The following CDH12 variants were observed in gnomAD, a reference collection of about 807,000 sequenced individuals.
The protein encoded by CDH12 is cadherin 12, also known as cadherin-12.
A neutral mutation model predicts 74.1 loss-of-function variants in CDH12; 41 were observed. That is an observed-to-expected ratio of 0.55 (90% confidence interval 0.43 to 0.72). CDH12 has a LOEUF of 0.72. Ranked by LOEUF, CDH12 falls within the 30% of genes least tolerant of loss-of-function variation. The probability of loss-of-function intolerance (pLI) is 0.00; values close to 1 mark genes in which losing one functional copy is unlikely to be tolerated. For synonymous variants in CDH12, 399 were observed against 355.0 expected, an observed-to-expected ratio of 1.12 and a Z score of -1.39; for missense variants, 945 against 977.2, an observed-to-expected ratio of 0.97 and a Z score of 0.44.
chr5:22,525,618 G>C (rs1332670788), intron 1 of CDH12, among the ~76,000 whole-genome samples: 2 of 152,068 alleles, frequency 1.3e-5, no homozygotes, highest in African/African-American at 4.8e-5. Context: ...TCAATAACTG[G>C]AATGTAACTC....
chr5:22,762,332 A>G (rs953377495), intron 1 of CDH12, among the ~76,000 whole-genome samples: 4 of 152,124 alleles, frequency 2.6e-5, no homozygotes, highest in African/African-American at 9.6e-5. Context: ...GTGTTACAAA[A>G]TAAAAAATCT....
intron 4 of CDH12, among the ~76,000 whole-genome samples, chr5:22,184,020 TAA>T (rs35625153): frequency 2.6e-3 from 374 of 145,730 alleles, no homozygotes; most frequent in African/African-American, 6.9e-3. Flanking sequence ...ACCCTAGTGA[TAA>T]AAAAAAAAAA....
chr5:22,585,072 A>G (rs1740314068), intron 1 of CDH12, among the ~76,000 whole-genome samples: 1 of 152,228 alleles, frequency 6.6e-6, no homozygotes, highest in Non-Finnish European at 1.5e-5. Flanking sequence ...GTATAATTTT[A>G]CTTGCCTAAA....
chr5:22,451,417 A>G (rs909417334), intron 2 of CDH12, among the ~76,000 whole-genome samples: 9 of 151,976 alleles, frequency 5.9e-5, no homozygotes, highest in African/African-American at 2.2e-4. Context: ...ATGGTTCACT[A>G]TATGCAAATC....
chr5:22,599,002 C>T (rs561975237), intron 1 of CDH12, among the ~76,000 whole-genome samples: 2 of 152,202 alleles, frequency 1.3e-5, no homozygotes, highest in South Asian at 2.1e-4. Context: ...TGTTTGCAGC[C>T]GTATTGCATG....
intron 5 of CDH12, among the ~76,000 whole-genome samples, chr5:22,001,723 T>C (rs1292475052): frequency 6.8e-6 from 1 of 148,018 alleles, no homozygotes; most frequent in Non-Finnish European, 1.5e-5. Context: ...TTTTTGCTGC[T>C]TTTTTTTTTA....
intron 1 of CDH12, among the ~76,000 whole-genome samples, chr5:22,651,857 A>T (rs1407255674): frequency 1.3e-5 from 2 of 152,028 alleles, no homozygotes; most frequent in East Asian, 1.9e-4. Flanking sequence ...TCTGTTTTTT[A>T]AAAAAAGATT....
At chr5:22,759,274 T>A (rs1162432715) in intron 1 of CDH12, among the ~76,000 whole-genome samples, 1 of 152,176 alleles carries the variant, frequency 6.6e-6, no homozygotes, top group East Asian at 1.9e-4. Flanking sequence ...CAAAGCCTTG[T>A]TTTATTCTTA....
Position 22,710,771 on chromosome 5 carries a change from G to T in CDH12, c.-523+142287C>A, listed in dbSNP as rs77522678. On this transcript the variant is annotated intron_variant, in intron 1 of 14. Coordinates refer to ENST00000382254, the MANE Select transcript of CDH12 (RefSeq NM_004061.5). ...TTCTAGTTGACAGCCTCAGTGGAGAGGGCATGGTACTTGTGGTCAGAAGAG... is the reference window on the plus strand; with the variant it reads ...TTCTAGTTGACAGCCTCAGTGGAGATGGCATGGTACTTGTGGTCAGAAGAG... Among the ~76,000 whole-genome samples, 504 of 152,184 alleles carry T rather than the reference G, an allele frequency of 3.3e-3. 3 individuals are homozygous for T. Among genetic ancestry groups the T allele is most frequent in the African/African-American group, 0.011 (476 of 41,532 alleles).
chr5:22,582,392 T>C (rs572789586), intron 1 of CDH12, among the ~76,000 whole-genome samples: 7 of 152,352 alleles, frequency 4.6e-5, no homozygotes, highest in Non-Finnish European at 1.0e-4. Context: ...TGTATGTTAA[T>C]GGTCATTTGG....
At chr5:21,915,992 T>C (rs1482667627) in intron 6 of CDH12, among the ~76,000 whole-genome samples, 1 of 152,128 alleles carries the variant, frequency 6.6e-6, no homozygotes, top group Non-Finnish European at 1.5e-5. Context: ...AAAGTATGTG[T>C]CATACTGCTT....
At chr5:22,823,259 G>T (rs34538137) in intron 1 of CDH12, among the ~76,000 whole-genome samples, 1 of 151,160 alleles carries the variant, frequency 6.6e-6, no homozygotes, top group Non-Finnish European at 1.5e-5. Flanking sequence ...GGGAGGGATA[G>T]CATTAGGAGT....
chr5:22,005,877 G>A (rs1736924222), intron 5 of CDH12, among the ~76,000 whole-genome samples: 1 of 152,108 alleles, frequency 6.6e-6, no homozygotes, highest in South Asian at 2.1e-4. Flanking sequence ...GTTTTCAAAT[G>A]TATTCAAACT....
At chr5:22,205,918 C>T (rs1199429262) in intron 4 of CDH12, among the ~76,000 whole-genome samples, 3 of 151,976 alleles carry the variant, frequency 2.0e-5, no homozygotes, top group African/African-American at 4.8e-5. Context: ...CTAAGACATC[C>T]AACTATTCTA....
chr5:22,136,202 G>A (rs1024089767), intron 4 of CDH12, among the ~76,000 whole-genome samples: 54 of 151,904 alleles, frequency 3.6e-4, no homozygotes, highest in Non-Finnish European at 6.5e-4. Context: ...AGGAGAGGAG[G>A]TAAATGCAGG....
intron 1 of CDH12, among the ~76,000 whole-genome samples, chr5:22,623,995 C>G (rs996246887): frequency 6.6e-6 from 1 of 152,108 alleles, no homozygotes; most frequent in Non-Finnish European, 1.5e-5. Context: ...GAACAGAGCC[C>G]TCAGAAATAA....
chr5:22,257,925 C>A (rs1753374956), intron 3 of CDH12, among the ~76,000 whole-genome samples: 1 of 151,560 alleles, frequency 6.6e-6, no homozygotes, highest in East Asian at 1.9e-4. Context: ...CTAAGTGTCA[C>A]AAAAGAGTGA....
At chr5:22,428,890 CA>C (rs1744053059) in intron 2 of CDH12, among the ~76,000 whole-genome samples, 1 of 152,132 alleles carries the variant, frequency 6.6e-6, no homozygotes, top group Non-Finnish European at 1.5e-5. Flanking sequence ...CCGATGACCT[CA>C]AATCAAAGTC....
At chr5:22,135,652 A>C (rs1314158950) in intron 4 of CDH12, among the ~76,000 whole-genome samples, 1 of 151,998 alleles carries the variant, frequency 6.6e-6, no homozygotes. Flanking sequence ...GAATGAAGAG[A>C]AGGCTGGAGG....
Sources: gnomAD v4.1 joint callset for allele counts (sites outside exome capture counted in the v4.1 genomes callset) on GRCh38, gnomAD v4.1.1 for gene constraint, MANE v1.5 for transcripts, NCBI Gene and HGNC (gene_info 2026-07-23, HGNC 2026-07-21) for gene names.